CRIM1: variants seen among roughly 807,000 people sequenced by gnomAD.
CRIM1 encodes the protein cysteine-rich motor neuron 1 protein.
In CRIM1, 32 loss-of-function variants were observed where a neutral mutation model predicts 116.4. The ratio of observed to expected loss-of-function variants is 0.27; its 90% CI spans 0.21 to 0.37. CRIM1 has a LOEUF of 0.37. Ranked by LOEUF, CRIM1 falls within the 10% of genes least tolerant of loss-of-function variation. The pLI, the probability that CRIM1 is intolerant of heterozygous loss-of-function variation, is 1.00. For synonymous variants in CRIM1, 590 were observed against 509.2 expected (o/e 1.16, Z -2.13); for missense variants, 1,331 against 1,354.8 (o/e 0.98, Z 0.28).
At chr2:36,514,788 G>C (rs1030093877) in intron 11 of CRIM1, among the ~76,000 whole-genome samples, 1 of 152,150 alleles carries the variant, frequency 6.6e-6, no homozygotes, top group Non-Finnish European at 1.5e-5. Flanking sequence ...GACCTTGTTC[G>C]CCATGGTTGG....
At chr2:36,544,752 A>G (rs1667196562) in intron 15 of CRIM1, among the ~76,000 whole-genome samples, 1 of 152,204 alleles carries the variant, frequency 6.6e-6, no homozygotes, top group African/African-American at 2.4e-5. Context: ...ACGGAAATAA[A>G]TGGAAATAAA....
intron 16 of CRIM1, among the ~76,000 whole-genome samples, chr2:36,547,531 A>G (rs1667437845): frequency 1.3e-5 from 2 of 152,218 alleles, no homozygotes; most frequent in Non-Finnish European, 2.9e-5. Context: ...TCATCAGTCA[A>G]CTTAGAATTG....
chr2:36,505,173 G>C (rs1055991169), intron 8 of CRIM1, among the ~76,000 whole-genome samples: 1 of 152,260 alleles, frequency 6.6e-6, no homozygotes, highest in Non-Finnish European at 1.5e-5. Flanking sequence ...TCTTTACTTA[G>C]TAGTCTTGGG....
At chr2:36,500,545 G>A (rs1004194847) in intron 8 of CRIM1, among the ~76,000 whole-genome samples, 3 of 151,814 alleles carry the variant, frequency 2.0e-5, no homozygotes, top group Non-Finnish European at 4.4e-5. Flanking sequence ...ATAAATACCC[G>A]GCCAAATATA....
chr2:36,537,227 A>T, intron 13 of CRIM1, 125 bp from the exon 14 acceptor site: 1 of 888,978 alleles, frequency 1.1e-6, no homozygotes, highest in Non-Finnish European at 1.7e-6. Context: ...CAAAAGTTTC[A>T]CCAAGTTCCA....
chr2:36,399,165 T>A (rs760415638), intron 2 of CRIM1, among the ~76,000 whole-genome samples: 3 of 152,206 alleles, frequency 2.0e-5, no homozygotes, highest in Non-Finnish European at 2.9e-5. Context: ...TAGGACCAGA[T>A]TATGAAATGT....
rs912322923 is a variant in CRIM1, at chr2:36,441,542, C to T, written c.748+42C>T. ...TCTCAGCAGCCTTGTTCCTTTGCAT[C>T]AGAGGGTAGCAGATCCCTCCTCAGC... On this transcript the variant is annotated intron_variant, in intron 3 of 16. Transcript: ENST00000280527. 3 of 1,592,750 alleles carry T rather than the reference C, an allele frequency of 1.9e-6. No homozygotes were observed. In the African/African-American group the frequency reaches 4.0e-5, roughly 21 times the overall value.
intron 2 of CRIM1, among the ~76,000 whole-genome samples, chr2:36,436,084 T>C (rs914820045): frequency 2.6e-5 from 4 of 152,090 alleles, no homozygotes; most frequent in African/African-American, 9.7e-5. Flanking sequence ...TCAGAAAAAC[T>C]TTCTAATTGA....
rs567941410 is a variant in CRIM1 at position 36,414,913 on chromosome 2, T to C, written c.505+18126T>C. Reference sequence around the variant, plus strand: ...AGGAATCCATGAAAGAGTTTGAAGCTTCAGATGGAGATGAGAGGATGCCCT... The same window carrying C: ...AGGAATCCATGAAAGAGTTTGAAGCCTCAGATGGAGATGAGAGGATGCCCT... On this transcript the variant is annotated intron_variant, in intron 2 of 16. Coordinates refer to ENST00000280527, the MANE Select transcript of CRIM1 (RefSeq NM_016441.3). Among the ~76,000 whole-genome samples, 9 of 152,250 alleles carry C rather than the reference T, an allele frequency of 5.9e-5. No homozygotes were observed. The South Asian group carries it at 1.9e-3, about 32-fold the overall frequency.
At chr2:36,544,058 TAATA>T (rs1011757758) in intron 14 of CRIM1, among the ~76,000 whole-genome samples, 22 of 152,308 alleles carry the variant, frequency 1.4e-4, no homozygotes, top group African/African-American at 4.8e-4. Flanking sequence ...TGCTGGAAAG[TAATA>T]AATAACTTCA....
chr2:36,544,583 A>G (rs1667181713), intron 15 of CRIM1, 85 bp downstream of exon 15: 1 of 1,265,710 alleles, frequency 7.9e-7, no homozygotes, highest in African/African-American at 1.5e-5. Flanking sequence ...TCCTATGAGT[A>G]ACTTTTAAAA....
At chr2:36,391,363 C>A (rs1338104467) in intron 1 of CRIM1, among the ~76,000 whole-genome samples, 1 of 150,470 alleles carries the variant, frequency 6.6e-6, no homozygotes, top group Non-Finnish European at 1.5e-5. Context: ...CTCCTGACCT[C>A]GTGATCCGCC....
intron 4 of CRIM1, among the ~76,000 whole-genome samples, chr2:36,460,946 AG>A (rs1423520646): frequency 6.6e-6 from 1 of 152,216 alleles, no homozygotes; most frequent in Non-Finnish European, 1.5e-5. Context: ...CCATTAGGGC[AG>A]GCAGTGCAGA....
At chr2:36,522,703 G>A (rs907339284) in intron 13 of CRIM1, among the ~76,000 whole-genome samples, 9 of 151,138 alleles carry the variant, frequency 6.0e-5, no homozygotes, top group Non-Finnish European at 1.2e-4. Context: ...TCCGGAGGCT[G>A]AGGCAGGAGA....
intron 14 of CRIM1, among the ~76,000 whole-genome samples, 186 bp from the exon 15 acceptor site, chr2:36,544,190 T>C (rs926667881): frequency 1.3e-5 from 2 of 152,360 alleles, no homozygotes; most frequent in Middle Eastern, 3.4e-3. Flanking sequence ...ATAAGACATG[T>C]TTCTCCTCAC....
intron 8 of CRIM1, among the ~76,000 whole-genome samples, chr2:36,500,728 A>C (rs1680927714): frequency 6.6e-6 from 1 of 152,220 alleles, no homozygotes; most frequent in Non-Finnish European, 1.5e-5. Flanking sequence ...CCAAGGACAA[A>C]GACCTGCAGA....
chr2:36,381,021 G>T (rs879697767), intron 1 of CRIM1, among the ~76,000 whole-genome samples: 1 of 152,200 alleles, frequency 6.6e-6, no homozygotes, highest in Non-Finnish European at 1.5e-5. Context: ...CCTGCCCCAT[G>T]ACTTTGTCCC....
chr2:36,531,417 T>C (rs78595537), intron 13 of CRIM1, among the ~76,000 whole-genome samples: 106 of 151,830 alleles, frequency 7.0e-4, no homozygotes, highest in African/African-American at 2.3e-3. Flanking sequence ...TTTTTTTTTT[T>C]CCAGAGGCTC....
chr2:36,547,007 TAC>T lies in CRIM1; in HGVS notation c.2772_2773del (p.Tyr924Ter). 1 of 1,610,310 alleles carries T rather than the reference TAC, an allele frequency of 6.2e-7. No individual in the cohort carries two copies. Among genetic ancestry groups the T allele is most frequent in the Non-Finnish European group, 8.5e-7 (1 of 1,177,634 alleles). On this transcript the variant is annotated frameshift_variant, in exon 16 of 17. Transcript: ENST00000280527. LOFTEE classifies it high-confidence loss of function. ...PRDMGHLQVDYRDNRLHPSED... is the reference protein window; with the variant it reads ...PRDMGHLQVDXRDNRLHPSED... ...AGATATGGGTCACCTCCAGGTAGAT[TAC>T]AGAGATAACAGGCTGCACCCAAGTG...
Sources: gnomAD v4.1 joint callset for allele counts (sites outside exome capture counted in the v4.1 genomes callset) on GRCh38, gnomAD v4.1.1 for gene constraint, MANE v1.5 for transcripts, NCBI Gene and HGNC (gene_info 2026-07-23, HGNC 2026-07-21) for gene names.